Variants in ATP2B2 observed in about 807,000 individuals in gnomAD.
ATP2B2 encodes the protein plasma membrane calcium-transporting ATPase 2.
Under a neutral mutation model 120.0 loss-of-function variants are expected in ATP2B2, and 15 were observed. That is an observed-to-expected ratio of 0.12 (90% CI 0.08 to 0.19). ATP2B2 has a LOEUF of 0.19. Ranked by LOEUF, ATP2B2 falls within the 10% of genes least tolerant of loss-of-function variation. ATP2B2 has a pLI of 1.00. For missense variants in ATP2B2, 1,045 were observed against 1,719.8 expected (o/e 0.61, Z 6.94); for synonymous variants, 694 against 700.3 (o/e 0.99, Z 0.14).
chr3:10,483,374 T>G (rs2125327451), intron 1 of ATP2B2, among the ~76,000 whole-genome samples: 1 of 152,334 alleles, frequency 6.6e-6, no homozygotes, highest in South Asian at 2.1e-4. Context: ...AACCTACCTG[T>G]GTCCCTACCT....
chr3:10,488,933 G>T (rs575047522), intron 1 of ATP2B2, among the ~76,000 whole-genome samples: 1 of 152,090 alleles, frequency 6.6e-6, no homozygotes, highest in African/African-American at 2.4e-5. Flanking sequence ...GAAAAGCCAG[G>T]GTCCCTGTGA....
At chr3:10,438,484 G>C (rs1246882001) in intron 2 of ATP2B2, among the ~76,000 whole-genome samples, 3 of 152,176 alleles carry the variant, frequency 2.0e-5, no homozygotes, top group Non-Finnish European at 1.5e-5. Flanking sequence ...ACTCTCCTCC[G>C]ACCTCTGACA....
chr3:10,336,151 G>C, intron 22 of ATP2B2: 1 of 1,550,652 alleles, frequency 6.4e-7, no homozygotes, highest in East Asian at 2.4e-5. Flanking sequence ...CAGGAGGAAG[G>C]CTGGTCGGAG....
intron 1 of ATP2B2, among the ~76,000 whole-genome samples, chr3:10,669,513 G>A (rs1185553772): frequency 1.3e-5 from 2 of 152,170 alleles, no homozygotes; most frequent in African/African-American, 2.4e-5. Flanking sequence ...TTAAACTGTG[G>A]CTTGTGTCAG....
chr3:10,366,849 G>C (rs2061074936), intron 12 of ATP2B2, among the ~76,000 whole-genome samples: 1 of 152,226 alleles, frequency 6.6e-6, no homozygotes, highest in Non-Finnish European at 1.5e-5. Flanking sequence ...GGTGTGCCAG[G>C]GTTTCTGAGG....
In ATP2B2 at chr3:10,349,466, A is replaced by G. The variant is rs772922849; in HGVS notation, c.2404+646T>C. On this transcript the variant is annotated intron_variant, in intron 16 of 22. Coordinates refer to ENST00000360273, the MANE Select transcript of ATP2B2 (RefSeq NM_001001331.4). ...GGAGACCCTGTCTCAAATAAAATAA[A>G]ATAAAAATAAAAATAAAAAGTGCCC... is the stretch of plus-strand genomic sequence containing the variant. 5.9e-4 allele frequency among the ~76,000 whole-genome samples: 90 copies of G among 151,922 alleles called. 1 individual carries two copies. Among genetic ancestry groups the G allele is most frequent in the Non-Finnish European group, 3.2e-4 (22 of 67,972 alleles).
At chr3:10,390,903 C>A (rs1245422957) in intron 5 of ATP2B2, among the ~76,000 whole-genome samples, 2 of 152,180 alleles carry the variant, frequency 1.3e-5, no homozygotes, top group African/African-American at 4.8e-5. Flanking sequence ...GTAACAGGGC[C>A]TTGTTCATTA....
intron 22 of ATP2B2, chr3:10,332,400 T>C (rs1014722427): frequency 4.3e-5 from 11 of 258,270 alleles, no homozygotes; most frequent in Non-Finnish European, 7.7e-5. Flanking sequence ...TGCTACAGAC[T>C]TGCTAAGCAC....
chr3:10,572,395 T>A (rs1352112569), intron 2 of ATP2B2, among the ~76,000 whole-genome samples: 1 of 152,100 alleles, frequency 6.6e-6, no homozygotes, highest in African/African-American at 2.4e-5. Flanking sequence ...AGAGTTTCAG[T>A]TGGGGAAGAT....
At chr3:10,359,771 G>T (rs2125449788) in intron 13 of ATP2B2, 111 bp downstream of exon 13, 1 of 1,503,358 alleles carries the variant, frequency 6.7e-7, no homozygotes, top group Non-Finnish European at 9.1e-7. Context: ...CTCCAGCCGG[G>T]CAGGCTGCTG....
intron 1 of ATP2B2, among the ~76,000 whole-genome samples, chr3:10,664,941 T>C (rs963372753): frequency 6.6e-6 from 1 of 152,130 alleles, no homozygotes; most frequent in Middle Eastern, 3.2e-3. Flanking sequence ...ACCCACTCCA[T>C]CACCAATGTC....
At chr3:10,669,046 A>G (rs1383621996) in intron 1 of ATP2B2, among the ~76,000 whole-genome samples, 1 of 152,188 alleles carries the variant, frequency 6.6e-6, no homozygotes, top group African/African-American at 2.4e-5. Context: ...GGAAGCAAAC[A>G]TCCAACAACA....
At chr3:10,679,328 G>A (rs970464259) in intron 1 of ATP2B2, among the ~76,000 whole-genome samples, 1 of 152,218 alleles carries the variant, frequency 6.6e-6, no homozygotes, top group Non-Finnish European at 1.5e-5. Flanking sequence ...ATGTTTATGA[G>A]AAAATGCATG....
intron 1 of ATP2B2, among the ~76,000 whole-genome samples, chr3:10,498,034 T>C (rs2066225958): frequency 6.6e-6 from 1 of 152,224 alleles, no homozygotes. Context: ...ATCACTACTT[T>C]ACGTATATTT....
chr3:10,424,790 C>T (rs1287972056), intron 2 of ATP2B2, among the ~76,000 whole-genome samples: 1 of 152,112 alleles, frequency 6.6e-6, no homozygotes, highest in African/African-American at 2.4e-5. Context: ...AAGCAAGTTG[C>T]AGAACAATGT....
intron 1 of ATP2B2, among the ~76,000 whole-genome samples, chr3:10,692,145 A>C (rs2071675339): frequency 6.6e-6 from 1 of 152,254 alleles, no homozygotes; most frequent in South Asian, 2.1e-4. Flanking sequence ...CAAAATCTGC[A>C]TATTTTTATA....
chr3:10,689,369 C>A (rs996821095), intron 1 of ATP2B2, among the ~76,000 whole-genome samples: 5 of 152,116 alleles, frequency 3.3e-5, no homozygotes, highest in Non-Finnish European at 5.9e-5. Flanking sequence ...GGAAAGGCAT[C>A]TATTTCACAG....
chr3:10,521,313 ACAAT>A, intron 3 of ATP2B2, among the ~76,000 whole-genome samples: 1 of 152,232 alleles, frequency 6.6e-6, no homozygotes, highest in East Asian at 1.9e-4. Flanking sequence ...GCCCCCATAA[ACAAT>A]CAGTCAAGTA....
chr3:10,614,259 T>C (rs1409223562), intron 2 of ATP2B2, among the ~76,000 whole-genome samples: 1 of 152,168 alleles, frequency 6.6e-6, no homozygotes, highest in African/African-American at 2.4e-5. Context: ...ATGTATTTGC[T>C]GAATGAATGA....
Sources: allele counts gnomAD v4.1 joint callset (sites outside exome capture counted in the v4.1 genomes callset), GRCh38; gene constraint gnomAD v4.1.1; transcripts MANE v1.5; gene names NCBI Gene and HGNC (gene_info 2026-07-23, HGNC 2026-07-21).